The following GRIK4 variants were observed in gnomAD, a reference collection of about 807,000 sequenced individuals.
GRIK4 encodes glutamate receptor ionotropic, kainate 4.
Under a neutral mutation model 104.9 loss-of-function variants are expected in GRIK4, and 40 were observed. The ratio of observed to expected loss-of-function variants is 0.38; its 90% CI spans 0.30 to 0.50. The LOEUF (loss-of-function observed/expected upper bound fraction) is 0.50, where lower values mean the gene tolerates loss of function less well. Ranked by LOEUF, GRIK4 falls within the 20% of genes least tolerant of loss-of-function variation. GRIK4 has a pLI of 0.93. For missense variants in GRIK4, 1,047 were observed against 1,308.1 expected, an observed-to-expected ratio of 0.80 and a Z score of 3.08; for synonymous variants, 485 against 524.9, an observed-to-expected ratio of 0.92 and a Z score of 1.04.
chr11:120,884,010 T>TG (rs1177176404), intron 11 of GRIK4, among the ~76,000 whole-genome samples: 1 of 152,094 alleles, frequency 6.6e-6, no homozygotes. Flanking sequence ...CAGGCAGGCC[T>TG]GGGGAAAGAA....
chr11:120,639,074 T>G (rs1487497297), intron 1 of GRIK4, among the ~76,000 whole-genome samples: 2 of 151,890 alleles, frequency 1.3e-5, no homozygotes, highest in African/African-American at 4.8e-5. Flanking sequence ...GGTGGGCGCC[T>G]GTAATCGCCC....
At chr11:120,944,766 A>T (rs1943816068) in intron 14 of GRIK4, among the ~76,000 whole-genome samples, 1 of 152,222 alleles carries the variant, frequency 6.6e-6, no homozygotes. Context: ...TGGACTCTGG[A>T]CCCAGACTGT....
At chr11:120,832,250 G>A (rs1181485338) in intron 7 of GRIK4, among the ~76,000 whole-genome samples, 2 of 152,238 alleles carry the variant, frequency 1.3e-5, no homozygotes, top group African/African-American at 2.4e-5. Flanking sequence ...CAGCAGGGCA[G>A]TAGGCAACGG....
chr11:120,878,188 T>G (rs1482280196), intron 11 of GRIK4, among the ~76,000 whole-genome samples: 1 of 152,162 alleles, frequency 6.6e-6, no homozygotes, highest in Non-Finnish European at 1.5e-5. Context: ...GCAGCACACA[T>G]AAGCGGGCAG....
intron 1 of GRIK4, among the ~76,000 whole-genome samples, chr11:120,616,798 C>A (rs1316580306): frequency 6.6e-6 from 1 of 152,222 alleles, no homozygotes; most frequent in Non-Finnish European, 1.5e-5. Context: ...AGGCAATGAA[C>A]CAGTCAGCTT....
At chr11:120,779,240 C>T (rs72995858) in intron 3 of GRIK4, among the ~76,000 whole-genome samples, 7,722 of 152,210 alleles carry the variant, frequency 0.051, 375 homozygotes, top group African/African-American at 0.12. Context: ...TTCTGTGAGC[C>T]AGGGCGAAGG....
At chr11:120,680,333 C>T (rs1950168759) in intron 3 of GRIK4, among the ~76,000 whole-genome samples, 2 of 123,478 alleles carry the variant, frequency 1.6e-5, no homozygotes, top group Non-Finnish European at 3.7e-5. Context: ...CTGCCCCGGC[C>T]TCCCTAAGTG....
intron 3 of GRIK4, among the ~76,000 whole-genome samples, chr11:120,718,697 G>T (rs931640680): frequency 1.3e-5 from 2 of 152,232 alleles, no homozygotes; most frequent in African/African-American, 4.8e-5. Context: ...TGGGCAGGTG[G>T]ATGTCCAGGG....
At chr11:120,923,248 C>G (rs7926208) in intron 13 of GRIK4, among the ~76,000 whole-genome samples, 1 of 152,016 alleles carries the variant, frequency 6.6e-6, no homozygotes, top group Non-Finnish European at 1.5e-5. Context: ...AAAAACTTAC[C>G]AGGTGGGATG....
At chr11:120,837,854 G>T (rs1366586125) in intron 8 of GRIK4, among the ~76,000 whole-genome samples, 1 of 152,072 alleles carries the variant, frequency 6.6e-6, no homozygotes, top group Non-Finnish European at 1.5e-5. Context: ...TTAAAGTACA[G>T]TTGTGTTCCA....
At chr11:120,855,047 G>A (rs559428022) in intron 8 of GRIK4, among the ~76,000 whole-genome samples, 77 of 152,258 alleles carry the variant, frequency 5.1e-4, no homozygotes, top group African/African-American at 1.8e-3. Flanking sequence ...TTTTCTAGGT[G>A]CCAGGGACAC....
intron 1 of GRIK4, among the ~76,000 whole-genome samples, chr11:120,639,477 A>G (rs2135197606): frequency 6.6e-6 from 1 of 151,540 alleles, no homozygotes; most frequent in Middle Eastern, 3.4e-3. Context: ...CCTTCCTCTA[A>G]TCTCCTGGGG....
chr11:120,713,690 G>A (rs1310877933), intron 3 of GRIK4, among the ~76,000 whole-genome samples: 1 of 152,204 alleles, frequency 6.6e-6, no homozygotes, highest in Non-Finnish European at 1.5e-5. Flanking sequence ...GAAACTCGGT[G>A]AGGTAGAGAG....
chr11:120,709,047 G>C (rs73010300), intron 3 of GRIK4, among the ~76,000 whole-genome samples: 2,506 of 152,240 alleles, frequency 0.016, 37 homozygotes, highest in Non-Finnish European at 0.028. Context: ...GCCCTCAGGA[G>C]AACCTGCCAG....
intron 19 of GRIK4, among the ~76,000 whole-genome samples, chr11:120,977,428 T>C (rs1944579510): frequency 1.3e-5 from 2 of 152,198 alleles, no homozygotes; most frequent in Non-Finnish European, 2.9e-5. Context: ...TGAATGTCGA[T>C]GTGCTGTGGA....
chr11:120,533,188 G>A (rs1947939556), intron 1 of GRIK4, among the ~76,000 whole-genome samples: 2 of 152,164 alleles, frequency 1.3e-5, no homozygotes, highest in Admixed American at 6.5e-5. Flanking sequence ...GCAAAGGAAA[G>A]GACAAGAGCC....
intron 13 of GRIK4, among the ~76,000 whole-genome samples, chr11:120,921,702 AAG>A (rs1943231998): frequency 6.6e-6 from 1 of 152,148 alleles, no homozygotes; most frequent in African/African-American, 2.4e-5. Flanking sequence ...TATCTTGAGA[AAG>A]AAGAATTTAA....
chr11:120,896,420 C>A (rs746578455), intron 11 of GRIK4, among the ~76,000 whole-genome samples: 1 of 152,228 alleles, frequency 6.6e-6, no homozygotes, highest in African/African-American at 2.4e-5. Flanking sequence ...ACACACAGAA[C>A]CATGCTGCCC....
intron 3 of GRIK4, among the ~76,000 whole-genome samples, chr11:120,721,716 A>G (rs1445412922): frequency 6.6e-6 from 1 of 152,082 alleles, no homozygotes. Flanking sequence ...CAATAAAGGA[A>G]ATAGTTGGGC....
Sources: gnomAD v4.1 joint callset for allele counts (sites outside exome capture counted in the v4.1 genomes callset) on GRCh38, gnomAD v4.1.1 for gene constraint, MANE v1.5 for transcripts, NCBI Gene and HGNC (gene_info 2026-07-23, HGNC 2026-07-21) for gene names.